Variants in ANXA4 observed in about 807,000 individuals in gnomAD.
The protein encoded by ANXA4 is 35-beta calcimedin.
ANXA4 carries 39 observed loss-of-function variants against 49.8 expected under a neutral mutation model. The observed-to-expected ratio is 0.78, with a 90% CI of 0.61 to 1.02. ANXA4 has a LOEUF of 1.02. Among genes scored for constraint, ANXA4 ranks in the 50% least tolerant of loss-of-function variants. The probability of loss-of-function intolerance (pLI) is 0.00; values close to 1 mark genes in which losing one functional copy is unlikely to be tolerated. For synonymous variants in ANXA4, 134 were observed against 152.5 expected (o/e 0.88, Z 0.89); for missense variants, 360 against 410.1 (o/e 0.88, Z 1.05).
intron 1 of ANXA4, among the ~76,000 whole-genome samples, chr2:69,763,875 C>A (rs1000871187): frequency 6.6e-6 from 1 of 152,036 alleles, no homozygotes; most frequent in Admixed American, 6.6e-5. Flanking sequence ...GTTGGTCAGG[C>A]TGGTCTCAAA....
Position 69,728,159 on chromosome 2 carries a change from T to A in ANXA4, n.864+7288T>A, listed in dbSNP as rs113156518. ...CTGTCTTGTGTCTCCACTGTACTGT[T>A]ACTATTTTATTTCTCTTGTAGTTAA... On this transcript the variant is annotated intron_variant and non_coding_transcript_variant, in intron 3 of 3. Transcript: ENST00000418066. 5.0e-3 allele frequency among the ~76,000 whole-genome samples: 765 copies of A among 152,340 alleles called. 9 individuals carry two copies. Among genetic ancestry groups the A allele is most frequent in the African/African-American group, 0.017 (703 of 41,574 alleles).
intron 2 of ANXA4, among the ~76,000 whole-genome samples, chr2:69,661,903 G>A (rs1676737622): frequency 6.6e-6 from 1 of 152,162 alleles, no homozygotes; most frequent in Non-Finnish European, 1.5e-5. Context: ...ATGATTGGAA[G>A]CATGTTCTCT....
At chr2:69,787,216 G>A (rs572180430) in intron 2 of ANXA4, among the ~76,000 whole-genome samples, 16 of 152,300 alleles carry the variant, frequency 1.1e-4, no homozygotes, top group African/African-American at 3.9e-4. Context: ...CAAATGTCAA[G>A]TCAATGTTCA....
intron 3 of ANXA4, among the ~76,000 whole-genome samples, chr2:69,801,596 G>A (rs983922421): frequency 6.6e-6 from 1 of 151,998 alleles, no homozygotes; most frequent in Admixed American, 6.6e-5. Context: ...TAGAGACAAG[G>A]TTTTACCATG....
chr2:69,796,858 G>A (rs1206626023), intron 3 of ANXA4, among the ~76,000 whole-genome samples: 2 of 152,130 alleles, frequency 1.3e-5, no homozygotes, highest in Admixed American at 6.5e-5. Context: ...CCACAGACCC[G>A]CCTGATATGA....
chr2:69,798,952 G>A (rs1673065949), intron 3 of ANXA4, among the ~76,000 whole-genome samples: 1 of 152,126 alleles, frequency 6.6e-6, no homozygotes, highest in Non-Finnish European at 1.5e-5. Context: ...ATAGGCAAAA[G>A]AACAGAACAG....
At chr2:69,745,644 C>T (rs560590304) in intron 1 of ANXA4, among the ~76,000 whole-genome samples, 3 of 151,954 alleles carry the variant, frequency 2.0e-5, no homozygotes, top group Admixed American at 2.0e-4. Flanking sequence ...GATTCTCCTG[C>T]CTCAGCCTCC....
chr2:69,710,515 CTCTG>C (rs139937564), intron 2 of ANXA4, among the ~76,000 whole-genome samples: 11,386 of 152,074 alleles, frequency 0.075, 1,420 homozygotes, highest in African/African-American at 0.26. Context: ...TTATGCATGA[CTCTG>C]TCTGTATTTC....
At chr2:69,687,161 T>C (rs950046102) in intron 2 of ANXA4, among the ~76,000 whole-genome samples, 4 of 152,220 alleles carry the variant, frequency 2.6e-5, no homozygotes, top group East Asian at 1.9e-4. Flanking sequence ...AGGGCTCTAA[T>C]TGGTGGGTAG....
At chr2:69,685,379 C>G (rs1677751840) in intron 2 of ANXA4, among the ~76,000 whole-genome samples, 1 of 151,916 alleles carries the variant, frequency 6.6e-6, no homozygotes. Flanking sequence ...TTCTTTTGGA[C>G]AAGACAGAGA....
rs146863301 is a variant in ANXA4 at position 69,804,566 on chromosome 2, C to A, written c.131C>A (p.Ala44Asp). The A allele has an allele frequency of 1.4e-5, 22 of 1,613,792 alleles. No individual in the cohort carries two copies. In the African/African-American group the frequency reaches 2.8e-4, roughly 21 times the overall value. ...GAAGACGCCATTATTAGCGTCCTTGCCTACCGCAACACCGCCCAGCGCCAG... is the reference window on the plus strand; with the variant it reads ...GAAGACGCCATTATTAGCGTCCTTGACTACCGCAACACCGCCCAGCGCCAG... The part of the protein sequence containing the change: ...TDEDAIISVL[A>D]YRNTAQRQEI... Residue 44 changes from alanine (A) to aspartate (D), a missense_variant, in exon 4 of 13, where the codon GCC becomes GAC. By Grantham distance (126) the Ala-to-Asp change is moderately radical. Transcript: ENST00000394295.
intron 2 of ANXA4, among the ~76,000 whole-genome samples, chr2:69,697,978 CAAAA>C (rs34820959): frequency 5.7e-5 from 6 of 105,626 alleles, no homozygotes; most frequent in Admixed American, 9.9e-5. Flanking sequence ...GACCCCATCT[CAAAA>C]AAAAAAAAAA....
chr2:69,714,193 T>G (rs922314877), intron 2 of ANXA4, among the ~76,000 whole-genome samples: 2 of 151,962 alleles, frequency 1.3e-5, no homozygotes, highest in Non-Finnish European at 2.9e-5. Flanking sequence ...CCTAGCTCTT[T>G]CCCACCTCCA....
At chr2:69,782,288 C>T (rs1033241182) in intron 2 of ANXA4, among the ~76,000 whole-genome samples, 1 of 152,202 alleles carries the variant, frequency 6.6e-6, no homozygotes, top group Admixed American at 6.5e-5. Flanking sequence ...GAGAGCCTGA[C>T]AGCTTGAGAT....
rs187642095 is a variant in ANXA4, at chr2:69,656,288, C to T, written n.766+3006C>T. Among the ~76,000 whole-genome samples, 492 of 89,428 alleles carry T rather than the reference C, an allele frequency of 5.5e-3. 39 individuals carry two copies. Among genetic ancestry groups the T allele is most frequent in the East Asian group, 0.023 (34 of 1,490 alleles). The allele number at this position is 89,428 out of a possible 152,430, so 58.7% of individuals were successfully genotyped here. On this transcript the variant is annotated intron_variant and non_coding_transcript_variant, in intron 2 of 3. Transcript: ENST00000418066. Reference sequence around the variant, plus strand: ...ATATATGTATATACGTATATATATACATATATGTATATATATGTATATATG... The same window carrying T: ...ATATATGTATATACGTATATATATATATATATGTATATATATGTATATATG...
intron 2 of ANXA4, among the ~76,000 whole-genome samples, chr2:69,659,497 A>G (rs76555031): frequency 0.071 from 10,757 of 152,212 alleles, 1,125 homozygotes; most frequent in East Asian, 0.37. Context: ...GCTGGAGTGC[A>G]GTGGTGTGAT....
chr2:69,674,384 C>T (rs1677319250), intron 2 of ANXA4: 1 of 152,192 alleles, frequency 6.6e-6, no homozygotes, highest in South Asian at 2.1e-4. Flanking sequence ...TTCCTATGCC[C>T]ATCCACCCAT....
intron 8 of ANXA4, chr2:69,814,916 G>C (rs1025575348): frequency 6.6e-6 from 1 of 152,244 alleles, no homozygotes; most frequent in African/African-American, 2.4e-5. Flanking sequence ...CTGAGAACTA[G>C]GAGCAGTTCC....
upstream of ANXA4, among the ~76,000 whole-genome samples, chr2:69,740,405 A>AT (rs58062222): frequency 1.3e-5 from 2 of 151,322 alleles, no homozygotes; most frequent in Admixed American, 6.6e-5. Context: ...TCTGTATTTC[A>AT]TTTTTTTTCC....
Sources: gnomAD v4.1 joint callset for allele counts (sites outside exome capture counted in the v4.1 genomes callset) on GRCh38, gnomAD v4.1.1 for gene constraint, MANE v1.5 for transcripts, NCBI Gene and HGNC (gene_info 2026-07-23, HGNC 2026-07-21) for gene names.